Variants in SRSF12 observed in about 807,000 individuals in gnomAD.
The protein encoded by SRSF12 is serine/arginine-rich splicing factor 12.
A neutral mutation model predicts 34.1 loss-of-function variants in SRSF12; 21 were observed. The ratio of observed to expected loss-of-function variants is 0.62; its 90% CI spans 0.44 to 0.89. SRSF12 has a LOEUF of 0.89. Ranked by LOEUF, SRSF12 falls within the 40% of genes least tolerant of loss-of-function variation. The pLI is 0.00. For synonymous variants in SRSF12, 111 were observed against 110.8 expected (o/e 1.00, Z -0.01); for missense variants, 278 against 327.8 (o/e 0.85, Z 1.17).
At chr6:89,099,521 C>A (rs1307226350) in intron 4 of SRSF12, among the ~76,000 whole-genome samples, 1 of 137,904 alleles carries the variant, frequency 7.3e-6, no homozygotes, top group Non-Finnish European at 1.5e-5. Flanking sequence ...TATATACACA[C>A]ACACACACAC....
At chr6:89,107,020 T>C in intron 2 of SRSF12, 134 bp downstream of exon 2, 2 of 953,848 alleles carry the variant, frequency 2.1e-6, no homozygotes, top group Non-Finnish European at 3.3e-6. Context: ...TGGACTGCTT[T>C]AGATCTTCTG....
chr6:89,113,523 C>T (rs1055769590), intron 1 of SRSF12, among the ~76,000 whole-genome samples: 3 of 152,080 alleles, frequency 2.0e-5, no homozygotes, highest in Admixed American at 2.0e-4. Context: ...TAGCCAGGCT[C>T]ATCTCGAACT....
chr6:89,101,474 C>A (rs1042919099), intron 4 of SRSF12, among the ~76,000 whole-genome samples: 2 of 152,128 alleles, frequency 1.3e-5, no homozygotes, highest in African/African-American at 4.8e-5. Context: ...GTCATCCCAG[C>A]ACTTTGGGAG....
chr6:89,117,753 C>T (rs1447257886), intron 1 of SRSF12, 70 bp downstream of exon 1: 4 of 1,459,424 alleles, frequency 2.7e-6, no homozygotes, highest in Non-Finnish European at 3.6e-6. Flanking sequence ...CGGGCCTCGG[C>T]CGTGCTCCGC....
intron 1 of SRSF12, among the ~76,000 whole-genome samples, chr6:89,116,847 T>C (rs753418098): frequency 1.1e-4 from 16 of 151,938 alleles, no homozygotes; most frequent in Non-Finnish European, 2.1e-4. Flanking sequence ...ATTATAATAC[T>C]CATCTCAGAT....
At chr6:89,103,911 T>C (rs988213994) in intron 4 of SRSF12, among the ~76,000 whole-genome samples, 14 of 152,196 alleles carry the variant, frequency 9.2e-5, no homozygotes, top group Admixed American at 6.5e-5. Context: ...GAATTTATTC[T>C]TGATAACTTA....
chr6:89,117,749 TCGGC>T, intron 1 of SRSF12, 70 bp downstream of exon 1: 1 of 1,426,594 alleles, frequency 7.0e-7, no homozygotes, highest in Non-Finnish European at 9.3e-7. Flanking sequence ...CCGCCGGGCC[TCGGC>T]CGTGCTCCGC....
Position 89,107,510 on chromosome 6 carries a change from A to G in SRSF12, c.66-252T>C, listed in dbSNP as rs371164757. 1.1e-4 allele frequency among the ~76,000 whole-genome samples: 16 copies of G among 152,276 alleles called. 2 individuals are homozygous for G. The highest frequency in any genetic ancestry group is 3.9e-4 in the Admixed American group (6 of 15,288). Reference sequence around the variant, plus strand: ...TTTGGGGGACCAAGGTATGTGGATCACTTGAACCCAGGAGTTCAAGACCAG... The same window carrying G: ...TTTGGGGGACCAAGGTATGTGGATCGCTTGAACCCAGGAGTTCAAGACCAG... On this transcript the variant is annotated intron_variant, in intron 1 of 4. Transcript: ENST00000452027.
At chr6:89,112,416 A>AATT (rs1769095973) in intron 1 of SRSF12, among the ~76,000 whole-genome samples, 1 of 149,928 alleles carries the variant, frequency 6.7e-6, no homozygotes. Flanking sequence ...TGTCCAAATT[A>AATT]ATTTCTTTCT....
chr6:89,111,872 G>A (rs531440472), intron 1 of SRSF12, among the ~76,000 whole-genome samples: 1 of 152,132 alleles, frequency 6.6e-6, no homozygotes, highest in Admixed American at 6.5e-5. Flanking sequence ...GTCTCACTCT[G>A]TCACCTAGAC....
intron 1 of SRSF12, among the ~76,000 whole-genome samples, chr6:89,115,144 C>A (rs1169935585): frequency 6.6e-6 from 1 of 151,946 alleles, no homozygotes; most frequent in Admixed American, 6.6e-5. Flanking sequence ...GTCACCCAGG[C>A]TGGAGTACAG....
intron 1 of SRSF12, among the ~76,000 whole-genome samples, chr6:89,116,858 G>T (rs910515639): frequency 6.6e-6 from 1 of 151,858 alleles, no homozygotes; most frequent in Non-Finnish European, 1.5e-5. Context: ...CATCTCAGAT[G>T]ACTATGGAGT....
intron 2 of SRSF12, 97 bp downstream of exon 2, chr6:89,107,057 A>G: frequency 8.6e-7 from 1 of 1,161,242 alleles, no homozygotes; most frequent in East Asian, 2.4e-5. Flanking sequence ...ACATTTAATT[A>G]GGCAATATTA....
chr6:89,098,087 G>GT lies in SRSF12; in HGVS notation c.*490dup, dbSNP rs1768342588. On this transcript the variant is annotated 3_prime_UTR_variant, in exon 5 of 5. Coordinates refer to ENST00000452027, the MANE Select transcript of SRSF12 (RefSeq NM_080743.5). Reference sequence around the variant, plus strand: ...CTACTTTTTGGAACATCAGAATTTTGTAATATGAACTAATATCCACCAGGA... The same window carrying GT: ...CTACTTTTTGGAACATCAGAATTTTGTTAATATGAACTAATATCCACCAGGA... 6.6e-6 allele frequency: 1 copy of GT among 152,578 alleles called. No homozygotes were observed. Among genetic ancestry groups the GT allele is most frequent in the Non-Finnish European group, 1.5e-5 (1 of 68,412 alleles). The allele number at this position is 152,578 out of a possible 1,614,324, so 9.5% of individuals were successfully genotyped here.
chr6:89,117,774 T>G (rs1160028754), intron 1 of SRSF12, 49 bp downstream of exon 1: 15 of 1,509,626 alleles, frequency 9.9e-6, no homozygotes, highest in Non-Finnish European at 1.3e-5. Context: ...GGCGCGGCTG[T>G]TACCCCGCCC....
chr6:89,101,337 A>C (rs780862508), intron 4 of SRSF12, among the ~76,000 whole-genome samples: 2 of 152,204 alleles, frequency 1.3e-5, no homozygotes, highest in Non-Finnish European at 2.9e-5. Flanking sequence ...TTAACTCACA[A>C]TTTCAAAAAG....
intron 1 of SRSF12, among the ~76,000 whole-genome samples, chr6:89,117,023 A>G (rs1004000106): frequency 2.4e-4 from 36 of 152,000 alleles, no homozygotes; most frequent in African/African-American, 7.5e-4. Flanking sequence ...GTCTATTAAC[A>G]CCGTTCCCTC....
chr6:89,116,774 T>TAA (rs11361684), intron 1 of SRSF12, among the ~76,000 whole-genome samples: 7 of 135,126 alleles, frequency 5.2e-5, no homozygotes, highest in East Asian at 2.2e-4. Flanking sequence ...AGACTTTGTC[T>TAA]AAAAAAAAAA....
At chr6:89,102,593 T>G (rs984933481) in intron 4 of SRSF12, among the ~76,000 whole-genome samples, 3 of 152,004 alleles carry the variant, frequency 2.0e-5, no homozygotes, top group Non-Finnish European at 4.4e-5. Flanking sequence ...AATCCTAACA[T>G]AGTAAAAGAA....
Sources: gnomAD v4.1 joint callset for allele counts (sites outside exome capture counted in the v4.1 genomes callset) on GRCh38, gnomAD v4.1.1 for gene constraint, MANE v1.5 for transcripts, NCBI Gene and HGNC (gene_info 2026-07-23, HGNC 2026-07-21) for gene names.